ZNF765: variants seen among roughly 807,000 people sequenced by gnomAD.
ZNF765 encodes the protein zinc finger protein 765.
ZNF765 carries 37 observed loss-of-function variants against 44.7 expected under a neutral mutation model. That is an observed-to-expected ratio of 0.83 (90% CI 0.64 to 1.09). The LOEUF is 1.09. ZNF765 is among the 50% of genes least tolerant of loss of function. ZNF765 has a pLI of 0.00. For missense variants in ZNF765, 594 were observed against 626.1 expected, an observed-to-expected ratio of 0.95 and a Z score of 0.55; for synonymous variants, 201 against 213.7, an observed-to-expected ratio of 0.94 and a Z score of 0.52.
At chr19:53,421,330 C>A (rs940266053) in intron 3 of ZNF765, among the ~76,000 whole-genome samples, 7 of 152,244 alleles carry the variant, frequency 4.6e-5, no homozygotes, top group East Asian at 1.9e-4. Flanking sequence ...GGGAACTCAG[C>A]AACCAGTGCT....
At chr19:53,400,301 A>G (rs1457882677) in intron 2 of ZNF765, among the ~76,000 whole-genome samples, 2 of 152,158 alleles carry the variant, frequency 1.3e-5, no homozygotes, top group Non-Finnish European at 2.9e-5. Context: ...CTGCATTGGA[A>G]ATTGGCTGAA....
Position 53,410,220 on chromosome 19 carries a change from ACAT to A in ZNF765, c.*1100_*1102del. On this transcript the variant is annotated 3_prime_UTR_variant, in exon 4 of 4. Transcript: ENST00000396408. Reference sequence around the variant, plus strand: ...TTTTAAATCAAAAAGCAAAGCTTGCACATCATCATAGAATTCATACTGGAGATA... The same window carrying A: ...TTTTAAATCAAAAAGCAAAGCTTGCACATCATAGAATTCATACTGGAGATA... 2.7e-6 allele frequency: 1 copy of A among 368,140 alleles called. No homozygotes were observed. Among genetic ancestry groups the A allele is most frequent in the South Asian group, 2.3e-5 (1 of 44,258 alleles). 22.8% of individuals were successfully genotyped at this position (368,140 alleles called of 1,614,324 possible). A position where few individuals can be genotyped will look rare whatever the true frequency, so the allele number is the denominator to read the frequency against.
At chr19:53,398,151 A>G in intron 2 of ZNF765, 121 bp downstream of exon 2, 2 of 1,552,070 alleles carry the variant, frequency 1.3e-6, no homozygotes, top group Middle Eastern at 1.7e-4. Flanking sequence ...GCACTCACCC[A>G]TGCCTTCCTT....
downstream of ZNF765, among the ~76,000 whole-genome samples, chr19:53,413,846 T>C (rs907595909): frequency 7.3e-6 from 1 of 136,308 alleles, no homozygotes; most frequent in Non-Finnish European, 1.5e-5. Context: ...TAAAAATTAC[T>C]AAGCCAAAGA....
intron 3 of ZNF765, among the ~76,000 whole-genome samples, chr19:53,406,018 C>T (rs1305755123): frequency 6.1e-5 from 3 of 49,026 alleles, no homozygotes; most frequent in East Asian, 3.5e-4. Context: ...CCTCTGACAC[C>T]GTTAGTCAAT....
intron 2 of ZNF765, among the ~76,000 whole-genome samples, chr19:53,400,252 T>C (rs1478492777): frequency 1.3e-5 from 2 of 152,216 alleles, no homozygotes; most frequent in Non-Finnish European, 2.9e-5. Flanking sequence ...ATTTACATGT[T>C]CTCATGTTAG....
At position 53,398,108 on chromosome 19, in the gene ZNF765, G is replaced by A. The variant is rs371185589; in HGVS notation, c.15+78G>A. ...GACCTTGGAGTTTGGAATCTTCTCT[G>A]AGTCTGAAGCATCTTGCCTGACAGG... is the stretch of plus-strand genomic sequence containing the variant. On this transcript the variant is annotated intron_variant, in intron 2 of 3. Coordinates refer to ENST00000396408, the MANE Select transcript of ZNF765 (RefSeq NM_001040185.3). 4.5e-5 allele frequency: 73 copies of A among 1,610,944 alleles called. No homozygotes were observed. The African/African-American group carries it at 8.8e-4, about 19-fold the overall frequency.
downstream of ZNF765, among the ~76,000 whole-genome samples, chr19:53,415,802 C>T (rs976010993): frequency 6.6e-6 from 1 of 152,034 alleles, no homozygotes; most frequent in Non-Finnish European, 1.5e-5. Context: ...CTCCTGGTCC[C>T]CATATTTTCA....
chr19:53,408,869 C>G lies in ZNF765; in HGVS notation c.1314C>G (p.Tyr438Ter), dbSNP rs1420377736. The change falls in exon 4 of 4, where the codon TAC becomes TAG. Residue 438 changes from tyrosine to a stop codon, truncating the protein, a stop_gained. Transcript: ENST00000396408. LOFTEE classifies it high-confidence loss of function. ...GACTTCATAGTGGAGAGAAACCTTACAAATGTGAAGAATGTGACAAAGCCT... is the reference window on the plus strand; with the variant it reads ...GACTTCATAGTGGAGAGAAACCTTAGAAATGTGAAGAATGTGACAAAGCCT... Reference protein sequence around the residue: ...ICRLHSGEKPYKCEECDKAYS... With the variant: ...ICRLHSGEKP The G allele has an allele frequency of 6.2e-7, 1 of 1,613,758 alleles. No homozygotes were observed. The highest frequency in any genetic ancestry group is 8.5e-7 in the Non-Finnish European group (1 of 1,179,940).
chr19:53,409,268 G>T lies in ZNF765; in HGVS notation c.*141G>T. On this transcript the variant is annotated 3_prime_UTR_variant, in exon 4 of 4. Transcript: ENST00000396408. ...AACCTTGAAATACATCAGAAAATTC[G>T]TACTGAAGAGAATCTTACAAGTGTA... 1 of 1,015,350 alleles carries T rather than the reference G, an allele frequency of 9.8e-7. No individual in the cohort carries two copies. Among genetic ancestry groups the T allele is most frequent in the Non-Finnish European group, 1.6e-6 (1 of 643,552 alleles). 62.9% of individuals were successfully genotyped at this position (1,015,350 alleles called of 1,614,324 possible).
chr19:53,406,913 C>T (rs1291972800), intron 3 of ZNF765, among the ~76,000 whole-genome samples: 6 of 152,032 alleles, frequency 3.9e-5, no homozygotes, highest in Non-Finnish European at 4.4e-5. Flanking sequence ...GAAACTTCAT[C>T]TCAAAAATAT....
intron 3 of ZNF765, among the ~76,000 whole-genome samples, chr19:53,419,114 C>T (rs1444941673): frequency 6.6e-6 from 1 of 152,024 alleles, no homozygotes; most frequent in Non-Finnish European, 1.5e-5. Context: ...TTTAATCCTT[C>T]AATAATAATG....
downstream of ZNF765, chr19:53,413,067 G>A (rs374504810): frequency 1.2e-5 from 4 of 337,610 alleles, no homozygotes; most frequent in African/African-American, 4.3e-5. Context: ...CCGAGATGGC[G>A]CCATTGCACT....
chr19:53,422,391 G>A (rs549207507), intron 3 of ZNF765, among the ~76,000 whole-genome samples: 137 of 152,136 alleles, frequency 9.0e-4, no homozygotes, highest in Non-Finnish European at 1.4e-3. Flanking sequence ...GGTGGTACCT[G>A]GCTCATCGAT....
intron 3 of ZNF765, among the ~76,000 whole-genome samples, chr19:53,404,072 C>G (rs1319126566): frequency 2.0e-5 from 3 of 152,086 alleles, no homozygotes; most frequent in Admixed American, 1.3e-4. Context: ...TTTGCCTATT[C>G]ATTTATTTAT....
Position 53,409,530 on chromosome 19 carries a change from A to G in ZNF765, c.*403A>G, listed in dbSNP as rs996168247. The G allele has an allele frequency of 8.0e-6, 9 of 1,127,974 alleles. No homozygotes were observed. The highest frequency in any genetic ancestry group is 1.7e-5 in the African/African-American group (1 of 59,608). 69.9% of individuals were successfully genotyped at this position (1,127,974 alleles called of 1,614,324 possible). ...ATTGTAGACTTCGTACTGGAGAGAAACCTTACAAATGTGAAGAATTTGAGT... is the reference window on the plus strand; with the variant it reads ...ATTGTAGACTTCGTACTGGAGAGAAGCCTTACAAATGTGAAGAATTTGAGT... On this transcript the variant is annotated 3_prime_UTR_variant, in exon 4 of 4. Coordinates refer to ENST00000396408, the MANE Select transcript of ZNF765 (RefSeq NM_001040185.3).
chr19:53,421,655 C>G (rs933182969), intron 3 of ZNF765, among the ~76,000 whole-genome samples: 1 of 152,120 alleles, frequency 6.6e-6, no homozygotes, highest in African/African-American at 2.4e-5. Flanking sequence ...GCTGGGCTTA[C>G]AGGTGCCTGC....
At chr19:53,405,685 G>A (rs1022144794) in intron 3 of ZNF765, among the ~76,000 whole-genome samples, 10 of 149,890 alleles carry the variant, frequency 6.7e-5, no homozygotes, top group Non-Finnish European at 1.2e-4. Flanking sequence ...TGTCTCAAAG[G>A]CCCCATCTGC....
In ZNF765 at chr19:53,410,099, A is replaced by C. The variant is rs1340489603; in HGVS notation, c.*972A>C. ...TCGTATTAGAAACCTTACAAATGTG[A>C]AGAATGTGATGAAGCTTTCAGATTC... On this transcript the variant is annotated 3_prime_UTR_variant, in exon 4 of 4. Transcript: ENST00000396408. The C allele has an allele frequency of 2.2e-6, 1 of 450,704 alleles. No homozygotes were observed. Among genetic ancestry groups the C allele is most frequent in the Non-Finnish European group, 4.5e-6 (1 of 221,484 alleles). 27.9% of individuals were successfully genotyped at this position (450,704 alleles called of 1,614,324 possible). A position where few individuals can be genotyped will look rare whatever the true frequency, so the allele number is the denominator to read the frequency against.
Sources: gnomAD v4.1 joint callset for allele counts (sites outside exome capture counted in the v4.1 genomes callset) on GRCh38, gnomAD v4.1.1 for gene constraint, MANE v1.5 for transcripts, NCBI Gene and HGNC (gene_info 2026-07-23, HGNC 2026-07-21) for gene names.